The following PDE1C variants were observed in gnomAD, a reference collection of about 807,000 sequenced individuals.
PDE1C encodes the protein phosphodiesterase 1C.
Under a neutral mutation model 93.1 loss-of-function variants are expected in PDE1C, and 62 were observed. The ratio of observed to expected loss-of-function variants is 0.67; its 90% CI spans 0.54 to 0.82. The LOEUF is 0.82. Ranked by LOEUF, PDE1C falls within the 40% of genes least tolerant of loss-of-function variation. PDE1C has a pLI of 0.00. For missense variants in PDE1C, 742 were observed against 884.6 expected (o/e 0.84, Z 2.04); for synonymous variants, 325 against 310.1 (o/e 1.05, Z -0.50).
intron 16 of PDE1C, chr7:31,785,769 C>CA (rs1437342666): frequency 3.9e-5 from 6 of 152,074 alleles, no homozygotes; most frequent in African/African-American, 9.7e-5. Flanking sequence ...ACTCTGGTAA[C>CA]ATTCTAACTC....
intron 3 of PDE1C, among the ~76,000 whole-genome samples, chr7:32,168,716 T>G (rs143670019): frequency 6.6e-6 from 1 of 152,304 alleles, no homozygotes; most frequent in East Asian, 1.9e-4. Context: ...CTTGTCTCAC[T>G]AATGTACTCG....
chr7:31,720,032 G>A, the PDE1C span, among the ~76,000 whole-genome samples: 10 of 151,032 alleles, frequency 6.6e-5, no homozygotes, highest in South Asian at 1.0e-3. Context: ...GCGCGGTGGC[G>A]GGCGCCTGTA....
intron 14 of PDE1C, among the ~76,000 whole-genome samples, chr7:31,822,226 T>C (rs775960420): frequency 6.6e-6 from 1 of 151,996 alleles, no homozygotes; most frequent in Non-Finnish European, 1.5e-5. Flanking sequence ...AAACCGACTC[T>C]TGTTGAAGGC....
At chr7:31,955,621 T>C (rs1434149734) in intron 2 of PDE1C, among the ~76,000 whole-genome samples, 1 of 152,158 alleles carries the variant, frequency 6.6e-6, no homozygotes, top group Non-Finnish European at 1.5e-5. Context: ...TCCTAGTAAC[T>C]AGTTGCAGCA....
chr7:32,088,143 C>A (rs1410010030), intron 3 of PDE1C, among the ~76,000 whole-genome samples: 1 of 151,904 alleles, frequency 6.6e-6, no homozygotes, highest in African/African-American at 2.4e-5. Context: ...ATTACTGTCT[C>A]GCACTGGAAA....
chr7:31,966,957 G>A (rs1250601675), intron 2 of PDE1C, among the ~76,000 whole-genome samples: 1 of 152,074 alleles, frequency 6.6e-6, no homozygotes, highest in Non-Finnish European at 1.5e-5. Flanking sequence ...CACATTCAAA[G>A]CAGTGTGTAG....
In PDE1C at chr7:32,411,931, T is replaced by C. The variant is rs1785179366; in HGVS notation, c.310+15891A>G. Among the ~76,000 whole-genome samples the C allele has an allele frequency of 2.0e-5, 3 of 152,030 alleles. No individual in the cohort carries two copies. In the East Asian group the frequency reaches 5.8e-4, roughly 29 times the overall value. On this transcript the variant is annotated intron_variant, in intron 1 of 1. Transcript: ENST00000672256. ...TTTTCTTTAAAAACTAAGAAACAAA[T>C]ACATTATCCTAGGCCTACGCAGGGT...
chr7:32,077,546 CTT>C (rs1027936939), intron 3 of PDE1C, among the ~76,000 whole-genome samples: 2 of 152,024 alleles, frequency 1.3e-5, no homozygotes, highest in African/African-American at 4.8e-5. Flanking sequence ...AATGAAAACA[CTT>C]TATTTACTTT....
chr7:32,402,335 C>T lies in PDE1C; in HGVS notation c.310+25487G>A, dbSNP rs544517006. On this transcript the variant is annotated intron_variant, in intron 1 of 1. Coordinates refer to the PDE1C transcript ENST00000672256. ...AAGCTGCCTCTGCAAACTGGAGGCC[C>T]AAGAAAGCCAGTGGGGTAGTTTTAG... 1.2e-4 allele frequency among the ~76,000 whole-genome samples: 19 copies of T among 152,080 alleles called. No homozygotes were observed. In the South Asian group the frequency reaches 2.1e-3, roughly 17 times the overall value.
At chr7:31,643,147 C>A in the PDE1C span, 1 of 1,613,932 alleles carries the variant, frequency 6.2e-7, no homozygotes, top group Non-Finnish European at 8.5e-7. Flanking sequence ...GCAAAGCCAC[C>A]ACAATGAGTC....
intron 1 of PDE1C, among the ~76,000 whole-genome samples, chr7:32,233,735 G>A (rs1807872663): frequency 6.6e-6 from 1 of 152,012 alleles, no homozygotes; most frequent in South Asian, 2.1e-4. Flanking sequence ...ATTTTAGCTG[G>A]AGACTTCAAC....
chr7:31,629,277 A>G, the PDE1C span, among the ~76,000 whole-genome samples: 1 of 44,860 alleles, frequency 2.2e-5, no homozygotes, highest in South Asian at 1.2e-3. Flanking sequence ...GTGTGTTTAA[A>G]CAACACAATC....
At chr7:32,219,968 T>A (rs745691126) in intron 1 of PDE1C, among the ~76,000 whole-genome samples, 1 of 152,184 alleles carries the variant, frequency 6.6e-6, no homozygotes. Flanking sequence ...TCACGAGATC[T>A]GATGATTTTA....
intron 3 of PDE1C, among the ~76,000 whole-genome samples, chr7:32,096,868 C>T (rs199618893): frequency 6.0e-5 from 5 of 83,768 alleles, no homozygotes; most frequent in South Asian, 4.1e-4. Flanking sequence ...GATAGACAGA[C>T]AGATCAACAG....
intron 3 of PDE1C, among the ~76,000 whole-genome samples, chr7:32,091,057 T>G (rs1797442481): frequency 6.6e-6 from 1 of 152,246 alleles, no homozygotes; most frequent in Admixed American, 6.5e-5. Context: ...TACATCCTCT[T>G]TACAGCTGCA....
At chr7:31,895,991 T>TTACA (rs6150057) in intron 2 of PDE1C, among the ~76,000 whole-genome samples, 17,217 of 148,526 alleles carry the variant, frequency 0.12, 1,135 homozygotes, top group South Asian at 0.17. Flanking sequence ...ACACTCTCCC[T>TTACA]TACATACATA....
chr7:32,167,063 G>A (rs983150163), intron 3 of PDE1C, among the ~76,000 whole-genome samples: 1 of 152,120 alleles, frequency 6.6e-6, no homozygotes, highest in African/African-American at 2.4e-5. Flanking sequence ...ATGTAACAGG[G>A]AGCCTGGTGG....
chr7:31,865,649 T>C (rs137946441), intron 6 of PDE1C, among the ~76,000 whole-genome samples: 1 of 152,302 alleles, frequency 6.6e-6, no homozygotes, highest in Non-Finnish European at 1.5e-5. Flanking sequence ...TAACAATAAA[T>C]TGCCAAGTAA....
chr7:31,931,239 G>A (rs1804205043), intron 2 of PDE1C, among the ~76,000 whole-genome samples: 1 of 152,174 alleles, frequency 6.6e-6, no homozygotes, highest in South Asian at 2.1e-4. Flanking sequence ...TCTGGTCAGG[G>A]CAATCAAGCA....
Sources: allele counts gnomAD v4.1 joint callset (sites outside exome capture counted in the v4.1 genomes callset), GRCh38; gene constraint gnomAD v4.1.1; transcripts MANE v1.5; gene names NCBI Gene and HGNC (gene_info 2026-07-23, HGNC 2026-07-21).